Variants in RELN observed in about 807,000 individuals in gnomAD.
RELN encodes the protein reelin.
A neutral mutation model predicts 427.6 loss-of-function variants in RELN; 108 were observed. That is an observed-to-expected ratio of 0.25 (90% CI 0.22 to 0.30). The LOEUF (loss-of-function observed/expected upper bound fraction) is 0.30, where lower values mean the gene tolerates loss of function less well. RELN is among the 10% of genes least tolerant of loss of function. The probability of loss-of-function intolerance (pLI) is 1.00; values close to 1 mark genes in which losing one functional copy is unlikely to be tolerated. For missense variants in RELN, 3,715 were observed against 4,302.8 expected (o/e 0.86, Z 3.82); for synonymous variants, 1,524 against 1,513.4 (o/e 1.01, Z -0.16).
intron 6 of RELN, among the ~76,000 whole-genome samples, chr7:103,739,167 T>C (rs1054516267): frequency 2.0e-5 from 3 of 152,166 alleles, no homozygotes; most frequent in Admixed American, 6.5e-5. Context: ...TAGGTATAAT[T>C]ATTTTTCAAA....
intron 28 of RELN, among the ~76,000 whole-genome samples, chr7:103,587,684 A>G (rs912328266): frequency 1.3e-5 from 2 of 152,198 alleles, no homozygotes; most frequent in Admixed American, 1.3e-4. Context: ...CAACAGCAAC[A>G]GAAATAAATA....
rs77154589 is a variant in RELN at position 103,798,105 on chromosome 7, T to C, written c.474-21478A>G. Among the ~76,000 whole-genome samples, 328 of 152,348 alleles carry C rather than the reference T, an allele frequency of 2.2e-3. 2 individuals are homozygous for C. The highest frequency in any genetic ancestry group is 7.6e-3 in the African/African-American group (314 of 41,582). The stretch of plus-strand genomic sequence containing the variant: ...AGTTCCATGTGAAGACATCTCTGAC[T>C]GCCCAGCCCTGGACAGTACTACTCA... On this transcript the variant is annotated intron_variant, in intron 3 of 64. Coordinates refer to ENST00000428762, the MANE Select transcript of RELN (RefSeq NM_005045.4).
At chr7:103,969,816 T>C (rs911892767) in intron 1 of RELN, among the ~76,000 whole-genome samples, 1 of 152,222 alleles carries the variant, frequency 6.6e-6, no homozygotes, top group African/African-American at 2.4e-5. Flanking sequence ...ATCTCATTTA[T>C]TATCGTGTCA....
At chr7:103,781,517 C>A (rs1363028708) in intron 3 of RELN, among the ~76,000 whole-genome samples, 3 of 152,036 alleles carry the variant, frequency 2.0e-5, no homozygotes, top group Non-Finnish European at 2.9e-5. Context: ...CTATAGTCAT[C>A]GTTTTTGTGG....
intron 38 of RELN, among the ~76,000 whole-genome samples, chr7:103,555,970 T>C (rs1436526888): frequency 1.3e-5 from 2 of 152,234 alleles, no homozygotes; most frequent in Admixed American, 1.3e-4. Flanking sequence ...ATGTGGCATC[T>C]CCATGCTTAT....
intron 16 of RELN, among the ~76,000 whole-genome samples, chr7:103,646,118 T>C (rs780928520): frequency 1.3e-5 from 2 of 151,698 alleles, no homozygotes; most frequent in African/African-American, 2.4e-5. Context: ...TTCTAAGATA[T>C]AGCAAAAGCA....
In RELN at chr7:103,485,949, T is replaced by C. The variant is rs373952962; in HGVS notation, c.9983+248A>G. Among the ~76,000 whole-genome samples the C allele has an allele frequency of 2.0e-5, 3 of 152,368 alleles. No individual in the cohort carries two copies. In the East Asian group the frequency reaches 5.8e-4, roughly 29 times the overall value. ...ATATTTGGCCATTTCTCTGGGTTTA[T>C]GCCTACATTACCACCACTCAGCCAC... On this transcript the variant is annotated intron_variant, in intron 61 of 64. Transcript: ENST00000428762.
chr7:103,717,578 A>T (rs972960910), intron 8 of RELN, among the ~76,000 whole-genome samples: 1 of 152,000 alleles, frequency 6.6e-6, no homozygotes, highest in Non-Finnish European at 1.5e-5. Flanking sequence ...CTTACCCTTA[A>T]ATAAAACACG....
In RELN at chr7:103,768,796, T is replaced by C. The variant is rs554412651; in HGVS notation, c.544+7761A>G. 4.1e-4 allele frequency among the ~76,000 whole-genome samples: 62 copies of C among 152,302 alleles called. No individual in the cohort carries two copies. In the South Asian group the frequency reaches 0.012, roughly 30 times the overall value. On this transcript the variant is annotated intron_variant, in intron 4 of 64. Transcript: ENST00000428762. ...GTTAAGGGAGTCAGGCAAGTCACCA[T>C]ATAGGAGGAGACATAGGAGTTGTAA...
chr7:103,915,940 G>A (rs925958249), intron 2 of RELN, among the ~76,000 whole-genome samples: 3 of 152,184 alleles, frequency 2.0e-5, no homozygotes, highest in African/African-American at 7.2e-5. Context: ...AGTGGAATTT[G>A]TAGATCTAAG....
chr7:103,487,494 A>T (rs1041978254), intron 60 of RELN, among the ~76,000 whole-genome samples: 1 of 150,908 alleles, frequency 6.6e-6, no homozygotes, highest in Non-Finnish European at 1.5e-5. Context: ...AAGTAGATAC[A>T]GATTCCCAAA....
chr7:103,519,653 G>GC, intron 48 of RELN, 137 bp from the exon 49 acceptor site: 2 of 662,920 alleles, frequency 3.0e-6, no homozygotes, highest in Middle Eastern at 8.3e-4. Context: ...CACCATCACA[G>GC]CTCACTGCAG....
intron 46 of RELN, among the ~76,000 whole-genome samples, chr7:103,526,939 T>A (rs1289011922): frequency 1.3e-5 from 2 of 152,238 alleles, no homozygotes; most frequent in Non-Finnish European, 2.9e-5. Flanking sequence ...CATTTTTCCA[T>A]ATCCTTGAAC....
rs1241673629 is a variant in RELN, at chr7:103,910,848, C to T, written c.337+6227G>A. Among the ~76,000 whole-genome samples the T allele has an allele frequency of 2.8e-3, 344 of 124,940 alleles. 16 individuals are homozygous for T. Among genetic ancestry groups the T allele is most frequent in the African/African-American group, 0.012 (326 of 28,084 alleles). 82.0% of individuals were successfully genotyped at this position (124,940 alleles called of 152,430 possible). On this transcript the variant is annotated intron_variant, in intron 2 of 64. Coordinates refer to ENST00000428762, the MANE Select transcript of RELN (RefSeq NM_005045.4). Reference sequence around the variant, plus strand: ...CCTTCCTTACACCTTATACAAAAATCAATTCAAGATGGATTAAAGATTTAA... The same window carrying T: ...CCTTCCTTACACCTTATACAAAAATTAATTCAAGATGGATTAAAGATTTAA...
In RELN at chr7:103,799,964, C is replaced by T. The variant is rs114434381; in HGVS notation, c.474-23337G>A. 1.8e-3 allele frequency among the ~76,000 whole-genome samples: 276 copies of T among 150,912 alleles called. 1 individual carries two copies. Among genetic ancestry groups the T allele is most frequent in the African/African-American group, 6.5e-3 (262 of 40,390 alleles). ...TGCAGAAAAGGGCTTCGAAAAAATT[C>T]CAAGGTACTGACGGAACATATCTTA... is the stretch of plus-strand genomic sequence containing the variant. On this transcript the variant is annotated intron_variant, in intron 3 of 64. Coordinates refer to ENST00000428762, the MANE Select transcript of RELN (RefSeq NM_005045.4).
At position 103,640,502 on chromosome 7, in the gene RELN, A is replaced by G; in HGVS notation, c.2069+41T>C. 6.3e-7 allele frequency: 1 copy of G among 1,597,028 alleles called. No homozygotes were observed. The highest frequency in any genetic ancestry group is 2.2e-5 in the East Asian group (1 of 44,690). ...TGCGACTTCAACACATACATTACAC[A>G]TCAAAAAGGAGAAGCATAAGTGTTA... On this transcript the variant is annotated intron_variant, in intron 17 of 64. Coordinates refer to ENST00000428762, the MANE Select transcript of RELN (RefSeq NM_005045.4). This position sits in a 1 kb window ranked among gnomAD's most constrained non-coding sequence, Gnocchi z 4.1.
chr7:103,598,258 C>A (rs1001518918), intron 24 of RELN, among the ~76,000 whole-genome samples: 3 of 152,130 alleles, frequency 2.0e-5, no homozygotes, highest in Non-Finnish European at 4.4e-5. Context: ...CTTTGGAAAT[C>A]TCAATTTTAG....
chr7:103,809,266 T>C (rs1289371760), intron 3 of RELN, among the ~76,000 whole-genome samples: 3 of 152,214 alleles, frequency 2.0e-5, no homozygotes, highest in African/African-American at 7.2e-5. Context: ...AAAATGTTTC[T>C]GTTGACTCAG....
chr7:103,501,710 A>G, intron 52 of RELN, among the ~76,000 whole-genome samples: 1 of 152,196 alleles, frequency 6.6e-6, no homozygotes, highest in East Asian at 1.9e-4. Context: ...AATGTAAATT[A>G]TACCTCATTA....
Sources: allele counts gnomAD v4.1 joint callset (sites outside exome capture counted in the v4.1 genomes callset), GRCh38; gene constraint gnomAD v4.1.1; non-coding constraint Gnocchi (gnomAD v3.1); transcripts MANE v1.5; gene names NCBI Gene and HGNC (gene_info 2026-07-23, HGNC 2026-07-21).